The following RBFOX1 variants were observed in gnomAD, a reference collection of about 807,000 sequenced individuals.
The protein encoded by RBFOX1 is RNA binding protein fox-1 homolog 1.
In RBFOX1, 8 loss-of-function variants were observed where a neutral mutation model predicts 57.7. The ratio of observed to expected loss-of-function variants is 0.14; its 90% CI spans 0.08 to 0.25. The LOEUF (loss-of-function observed/expected upper bound fraction) is 0.25. Ranked by LOEUF, RBFOX1 falls within the 10% of genes least tolerant of loss-of-function variation. The pLI is 1.00. For synonymous variants in RBFOX1, 326 were observed against 222.4 expected (o/e 1.47, Z -4.15); for missense variants, 611 against 548.5 (o/e 1.11, Z -1.14).
chr16:7,565,302 G>A (rs1191594350), intron 5 of RBFOX1, among the ~76,000 whole-genome samples: 1 of 151,968 alleles, frequency 6.6e-6, no homozygotes, highest in Non-Finnish European at 1.5e-5. Flanking sequence ...TGGATTCTTT[G>A]TACACATTCA....
At chr16:5,949,358 G>T (rs1597916869) in intron 4 of RBFOX1, among the ~76,000 whole-genome samples, 1 of 151,574 alleles carries the variant, frequency 6.6e-6, no homozygotes, top group Non-Finnish European at 1.5e-5. Context: ...AACCCTGTCT[G>T]TACTAAAAAT....
intron 4 of RBFOX1, among the ~76,000 whole-genome samples, chr16:5,976,982 A>T (rs2060076470): frequency 6.6e-6 from 1 of 152,104 alleles, no homozygotes; most frequent in Non-Finnish European, 1.5e-5. Flanking sequence ...TCAAAGTCTG[A>T]TCTTTGATAC....
intron 3 of RBFOX1, among the ~76,000 whole-genome samples, chr16:6,977,917 C>T (rs2087513551): frequency 6.9e-6 from 1 of 144,456 alleles, no homozygotes; most frequent in African/African-American, 2.6e-5. Context: ...GAGGAAACTG[C>T]CTCTTCCAGC....
intron 3 of RBFOX1, among the ~76,000 whole-genome samples, chr16:7,021,921 CTTTCTTTA>C (rs2039286036): frequency 1.4e-5 from 2 of 147,760 alleles, no homozygotes; most frequent in South Asian, 4.3e-4. Context: ...TCTTTTCTTT[CTTTCTTTA>C]TTTTCTTTTC....
At chr16:6,909,400 C>T (rs554265456) in intron 3 of RBFOX1, among the ~76,000 whole-genome samples, 2 of 152,188 alleles carry the variant, frequency 1.3e-5, no homozygotes, top group African/African-American at 2.4e-5. Flanking sequence ...TTTCAAGATC[C>T]TTTATTACAT....
chr16:7,353,219 C>T lies in RBFOX1; in HGVS notation c.28-164928C>T, dbSNP rs776097625. 5.3e-5 allele frequency among the ~76,000 whole-genome samples: 8 copies of T among 152,256 alleles called. No homozygotes were observed. In the East Asian group the frequency reaches 9.7e-4, roughly 18 times the overall value. On this transcript the variant is annotated intron_variant, in intron 4 of 15. Coordinates refer to ENST00000550418, the MANE Select transcript of RBFOX1 (RefSeq NM_018723.4). ...ACTTTTCGTCTCTAATTTAACTGGA[C>T]ATTCACCATCACTAGCCATAAATAA...
intron 4 of RBFOX1, among the ~76,000 whole-genome samples, chr16:7,330,669 G>A (rs1184323509): frequency 6.6e-6 from 1 of 152,002 alleles, no homozygotes; most frequent in African/African-American, 2.4e-5. Context: ...TCTCTTCTAT[G>A]CTCAGGAAAC....
At chr16:5,698,701 G>A (rs999701035) in intron 3 of RBFOX1, among the ~76,000 whole-genome samples, 15 of 152,110 alleles carry the variant, frequency 9.9e-5, no homozygotes, top group South Asian at 2.1e-4. Context: ...CAACCCAAAT[G>A]TCTATTAACT....
chr16:6,180,005 A>T (rs1463426069), intron 1 of RBFOX1, among the ~76,000 whole-genome samples: 2 of 152,174 alleles, frequency 1.3e-5, no homozygotes, highest in African/African-American at 2.4e-5. Flanking sequence ...GTCAGGGTTT[A>T]AAGTTTTTTC....
chr16:7,215,875 C>T (rs1346100825), intron 4 of RBFOX1, among the ~76,000 whole-genome samples: 2 of 152,050 alleles, frequency 1.3e-5, no homozygotes, highest in African/African-American at 2.4e-5. Context: ...CAGGCGTCTG[C>T]CACGGCACCC....
chr16:6,211,289 C>A (rs917383301), intron 1 of RBFOX1, among the ~76,000 whole-genome samples: 2 of 137,500 alleles, frequency 1.5e-5, no homozygotes, highest in African/African-American at 5.4e-5. Context: ...AGGGCAGTGG[C>A]ACGATCTCCG....
chr16:7,378,779 C>G (rs1470365418), intron 4 of RBFOX1, among the ~76,000 whole-genome samples: 1 of 152,226 alleles, frequency 6.6e-6, no homozygotes, highest in African/African-American at 2.4e-5. Flanking sequence ...AACACGGACA[C>G]TCTTGGGCAC....
intron 1 of RBFOX1, among the ~76,000 whole-genome samples, chr16:6,185,076 G>C (rs2097096552): frequency 6.6e-6 from 1 of 152,168 alleles, no homozygotes; most frequent in Non-Finnish European, 1.5e-5. Flanking sequence ...GAACAAGGAA[G>C]AGGTTTGATA....
chr16:7,411,088 G>A (rs1597750919), intron 4 of RBFOX1, among the ~76,000 whole-genome samples: 1 of 152,110 alleles, frequency 6.6e-6, no homozygotes, highest in Non-Finnish European at 1.5e-5. Context: ...TGGGACTACA[G>A]GCGTGAGCCA....
chr16:6,442,090 T>C (rs1019599063), intron 2 of RBFOX1, among the ~76,000 whole-genome samples: 1 of 152,140 alleles, frequency 6.6e-6, no homozygotes. Context: ...CAACCTTCCC[T>C]CACAGGCTGC....
intron 1 of RBFOX1, among the ~76,000 whole-genome samples, chr16:6,041,607 C>A (rs909544174): frequency 6.6e-6 from 1 of 152,108 alleles, no homozygotes; most frequent in Non-Finnish European, 1.5e-5. Flanking sequence ...GTGGCAGAGC[C>A]AGGATGCAAA....
chr16:5,424,506 C>G (rs1319220252), intron 1 of RBFOX1, among the ~76,000 whole-genome samples: 1 of 149,614 alleles, frequency 6.7e-6, no homozygotes, highest in Non-Finnish European at 1.5e-5. Context: ...TACGAGGATT[C>G]TAAAGATGGG....
intron 3 of RBFOX1, among the ~76,000 whole-genome samples, chr16:5,631,777 A>G (rs1274604969): frequency 4.6e-5 from 7 of 152,224 alleles, no homozygotes; most frequent in African/African-American, 1.7e-4. Flanking sequence ...TGAAGTGTCC[A>G]GAGTCTGGTG....
At chr16:6,463,606 C>T (rs1221520185) in intron 2 of RBFOX1, among the ~76,000 whole-genome samples, 1 of 152,052 alleles carries the variant, frequency 6.6e-6, no homozygotes, top group African/African-American at 2.4e-5. Context: ...GACAGGAAAA[C>T]CAAGGGTTGC....
Sources: gnomAD v4.1 joint callset for allele counts (sites outside exome capture counted in the v4.1 genomes callset) on GRCh38, gnomAD v4.1.1 for gene constraint, MANE v1.5 for transcripts, NCBI Gene and HGNC (gene_info 2026-07-23, HGNC 2026-07-21) for gene names.